The following KIF6 variants were observed in gnomAD, a reference collection of about 807,000 sequenced individuals.
KIF6 encodes kinesin family member 6, also known as kinesin-like protein KIF6.
A neutral mutation model predicts 112.7 loss-of-function variants in KIF6; 106 were observed. The observed-to-expected ratio is 0.94, with a 90% CI of 0.80 to 1.11. The LOEUF is 1.11. KIF6 is among the 50% of genes least tolerant of loss of function. The pLI is 0.00. For synonymous variants in KIF6, 339 were observed against 339.9 expected (o/e 1.00, Z 0.03); for missense variants, 929 against 964.0 (o/e 0.96, Z 0.48).
intron 13 of KIF6, among the ~76,000 whole-genome samples, chr6:39,520,358 GT>G (rs1777321913): frequency 6.6e-6 from 1 of 152,072 alleles, no homozygotes; most frequent in South Asian, 2.1e-4. Context: ...CTCTATTTTC[GT>G]TTAATAAAGC....
intron 3 of KIF6, among the ~76,000 whole-genome samples, chr6:39,648,593 C>A (rs991007743): frequency 6.6e-6 from 1 of 152,064 alleles, no homozygotes. Flanking sequence ...TGCCTTTTTG[C>A]GAGACATGTT....
At chr6:39,640,731 T>C (rs765493795) in intron 3 of KIF6, among the ~76,000 whole-genome samples, 1 of 152,096 alleles carries the variant, frequency 6.6e-6, no homozygotes, top group Non-Finnish European at 1.5e-5. Context: ...ATTATAAGGG[T>C]CTCCTAAAAC....
At chr6:39,611,801 C>G (rs531492795) in intron 6 of KIF6, among the ~76,000 whole-genome samples, 1 of 152,112 alleles carries the variant, frequency 6.6e-6, no homozygotes, top group Non-Finnish European at 1.5e-5. Context: ...ATCATACGCC[C>G]AAATTCTTAC....
chr6:39,427,058 G>A (rs901101040), intron 14 of KIF6, among the ~76,000 whole-genome samples: 2 of 152,196 alleles, frequency 1.3e-5, no homozygotes, highest in Non-Finnish European at 1.5e-5. Context: ...AGTCTGGGGT[G>A]AAATGGGAGT....
rs562931413 is a variant in KIF6 at position 39,378,891 on chromosome 6, C to T, written c.1861+6731G>A. Among the ~76,000 whole-genome samples, 25 of 152,294 alleles carry T rather than the reference C, an allele frequency of 1.6e-4. No individual in the cohort carries two copies. Among genetic ancestry groups the T allele is most frequent in the Admixed American group, 5.2e-4 (8 of 15,298 alleles). On this transcript the variant is annotated intron_variant, in intron 16 of 22. Transcript: ENST00000287152. This position sits in a 1 kb window ranked among gnomAD's most constrained non-coding sequence, Gnocchi z 5.0. ...TGTGGCCATCAGAAAGCTGAGTACC[C>T]GGATCCTATTATCTTGGCCGCTCAC...
At chr6:39,643,638 GACCTCT>G (rs1457303440) in intron 3 of KIF6, among the ~76,000 whole-genome samples, 3 of 152,042 alleles carry the variant, frequency 2.0e-5, no homozygotes, top group Non-Finnish European at 4.4e-5. Context: ...AATAAAGCTG[GACCTCT>G]ACCTCAGGCC....
chr6:39,539,107 A>G (rs1778633120), intron 13 of KIF6, among the ~76,000 whole-genome samples: 1 of 149,910 alleles, frequency 6.7e-6, no homozygotes, highest in Non-Finnish European at 1.5e-5. Flanking sequence ...TGGGAGATAT[A>G]CCTAATGCTA....
chr6:39,673,488 A>G (rs891307802), intron 3 of KIF6, among the ~76,000 whole-genome samples: 6 of 152,222 alleles, frequency 3.9e-5, no homozygotes, highest in African/African-American at 1.4e-4. Flanking sequence ...ATGTACTCCA[A>G]TATTGTGTAT....
At chr6:39,577,611 T>C (rs929945564) in intron 10 of KIF6, among the ~76,000 whole-genome samples, 1 of 152,198 alleles carries the variant, frequency 6.6e-6, no homozygotes, top group Non-Finnish European at 1.5e-5. Flanking sequence ...CGAGCTATAA[T>C]ATATGGGCCA....
chr6:39,475,145 T>C (rs1774348747), intron 13 of KIF6, among the ~76,000 whole-genome samples: 1 of 152,194 alleles, frequency 6.6e-6, no homozygotes, highest in Non-Finnish European at 1.5e-5. Context: ...TTGTGTGACC[T>C]TGGGCAAGTC....
rs879535122 is a variant in KIF6 at position 39,342,814 on chromosome 6, G to C, written c.2428+895C>G. 1.0e-6 allele frequency: 1 copy of C among 985,296 alleles called. No individual in the cohort carries two copies. The highest frequency in any genetic ancestry group is 1.2e-6 in the Non-Finnish European group (1 of 829,924). The allele number at this position is 985,296 out of a possible 1,614,324, so 61.0% of individuals were successfully genotyped here. A position where few individuals can be genotyped will look rare whatever the true frequency, so the allele number is the denominator to read the frequency against. Reference sequence around the variant, plus strand: ...AGGACCAAGGCCGGCTCTCAGTTGCGGCGCTCCATCCATGCACAAACCTCT... The same window carrying C: ...AGGACCAAGGCCGGCTCTCAGTTGCCGCGCTCCATCCATGCACAAACCTCT... On this transcript the variant is annotated intron_variant, in intron 22 of 22. Coordinates refer to ENST00000287152, the MANE Select transcript of KIF6 (RefSeq NM_145027.6). The surrounding 1 kb of genome is among the most constrained non-coding windows in gnomAD (Gnocchi z 4.7).
chr6:39,473,573 G>GAGC (rs1385547581), intron 13 of KIF6, among the ~76,000 whole-genome samples: 2 of 152,204 alleles, frequency 1.3e-5, no homozygotes, highest in East Asian at 3.8e-4. Context: ...TCTCCTGACA[G>GAGC]AGCAGTATGC....
rs1038321834 is a variant in KIF6, at chr6:39,577,845, T to C, written c.1181+211A>G. Reference sequence around the variant, plus strand: ...CCCATCCTCTCTTTGCTCTGTTCTTTACTTCCTCAAAGCTGAGGCGGCAAA... The same window carrying C: ...CCCATCCTCTCTTTGCTCTGTTCTTCACTTCCTCAAAGCTGAGGCGGCAAA... On this transcript the variant is annotated intron_variant, in intron 10 of 22. Transcript: ENST00000287152. Among the ~76,000 whole-genome samples, 5 of 152,186 alleles carry C rather than the reference T, an allele frequency of 3.3e-5. No individual in the cohort carries two copies. In the East Asian group the frequency reaches 7.7e-4, roughly 23 times the overall value.
chr6:39,676,192 G>A (rs1048516357), intron 3 of KIF6, among the ~76,000 whole-genome samples: 3 of 152,078 alleles, frequency 2.0e-5, no homozygotes, highest in Admixed American at 6.5e-5. Flanking sequence ...ATGCATCATT[G>A]AGAAACCATA....
intron 16 of KIF6, among the ~76,000 whole-genome samples, chr6:39,365,468 A>C (rs1765490978): frequency 6.6e-6 from 1 of 152,108 alleles, no homozygotes; most frequent in Admixed American, 6.5e-5. Flanking sequence ...GTCTTCCCCC[A>C]GTGCTGTGTT....
At chr6:39,367,577 A>G (rs530543379) in intron 16 of KIF6, among the ~76,000 whole-genome samples, 1 of 152,186 alleles carries the variant, frequency 6.6e-6, no homozygotes, top group South Asian at 2.1e-4. Flanking sequence ...CTGAAGCTTC[A>G]AGTTGGGAGG....
At chr6:39,648,997 C>CAA (rs11457388) in intron 3 of KIF6, among the ~76,000 whole-genome samples, 3,349 of 126,210 alleles carry the variant, frequency 0.027, 140 homozygotes, top group African/African-American at 0.087. Context: ...CTGTCTCTGC[C>CAA]AAAAAAAAAA....
intron 13 of KIF6, among the ~76,000 whole-genome samples, chr6:39,538,141 C>T (rs548100310): frequency 6.6e-6 from 1 of 152,158 alleles, no homozygotes; most frequent in East Asian, 1.9e-4. Context: ...CATTACCATT[C>T]AGGACACAGG....
At chr6:39,585,033 T>A in intron 8 of KIF6, 49 bp from the exon 9 acceptor site, 5 of 1,039,394 alleles carry the variant, frequency 4.8e-6, no homozygotes, top group Non-Finnish European at 7.4e-6. Flanking sequence ...AGAGAGATAT[T>A]TCTTTCTAGA....
Sources: allele counts gnomAD v4.1 joint callset (sites outside exome capture counted in the v4.1 genomes callset), GRCh38; gene constraint gnomAD v4.1.1; non-coding constraint Gnocchi (gnomAD v3.1); transcripts MANE v1.5; gene names NCBI Gene and HGNC (gene_info 2026-07-23, HGNC 2026-07-21).